DLG5: variants seen among roughly 807,000 people sequenced by gnomAD.
The protein encoded by DLG5 is disks large homolog 5.
A neutral mutation model predicts 189.8 loss-of-function variants in DLG5; 48 were observed. That is an observed-to-expected ratio of 0.25 (90% CI 0.20 to 0.32). DLG5 has a LOEUF of 0.32. Ranked by LOEUF, DLG5 falls within the 10% of genes least tolerant of loss-of-function variation. The probability of loss-of-function intolerance (pLI) is 1.00; values close to 1 mark genes in which losing one functional copy is unlikely to be tolerated. For synonymous variants in DLG5, 1,016 were observed against 1,054.1 expected (o/e 0.96, Z 0.70); for missense variants, 2,160 against 2,544.7 (o/e 0.85, Z 3.25).
Position 77,926,438 on chromosome 10 carries a change from C to A in DLG5, c.83G>T (p.Gly28Val), listed in dbSNP as rs1246954069. 2 of 1,561,426 alleles carry A rather than the reference C, an allele frequency of 1.3e-6. No homozygotes were observed. Among genetic ancestry groups the A allele is most frequent in the East Asian group, 2.4e-5 (1 of 41,648 alleles). Reference protein sequence around the residue: ...QAMTEVEAVLGLLEAAGALSP... With the variant: ...QAMTEVEAVLVLLEAAGALSP... ...GAGCGCTCCCGCGGCCTCGAGCAGC[C>A]CGAGCACGGCTTCCACCTCCGTCAT... The change falls in exon 1 of 32, where the codon GGG becomes GTG. Residue 28 changes from glycine (G) to valine (V), a missense_variant. Physicochemically the swap from Gly to Val is moderately radical, Grantham distance 109 (BLOSUM62 -3). Transcript: ENST00000372391. This position sits in a 1 kb window ranked among gnomAD's most constrained non-coding sequence, Gnocchi z 5.2.
In DLG5 at chr10:77,820,784, C is replaced by G. The variant is rs1465021897; in HGVS notation, c.3402+298G>C. On this transcript the variant is annotated intron_variant, in intron 15 of 31. Transcript: ENST00000372391. ...ACCTCATCTCCCTAGCCCTTCAAGG[C>G]AAGTCTATGCCCTAGGTTTTATTGT... 2.8e-5 allele frequency: 12 copies of G among 421,966 alleles called. No individual in the cohort carries two copies. The East Asian group carries it at 4.6e-4, about 16-fold the overall frequency. The allele number at this position is 421,966 out of a possible 1,614,324, so 26.1% of individuals were successfully genotyped here.
At position 77,817,858 on chromosome 10, in the gene DLG5, G is replaced by C; in HGVS notation, c.3703C>G (p.Leu1235Val). 6.4e-7 allele frequency: 1 copy of C among 1,553,110 alleles called. No individual in the cohort carries two copies. The highest frequency in any genetic ancestry group is 8.7e-7 in the Non-Finnish European group (1 of 1,147,692). ...TAGTCGCTGCAGGTCCTGTGGCTCAGGTCCAGGCTCAGGCGTCCCTGGTGC... is the reference window on the plus strand; with the variant it reads ...TAGTCGCTGCAGGTCCTGTGGCTCACGTCCAGGCTCAGGCGTCCCTGGTGC... ...VQHQGRLSLD[L>V]SHRTCSDYSE... The change falls in exon 18 of 32, where the codon CTG (leucine) becomes GTG (valine). Residue 1235 changes from leucine (L) to valine (V), a missense_variant. Around this residue, in one of 5 missense-constraint regions of DLG5, gnomAD observed 754 missense variants for 746.5 expected, o/e 1.01. Coordinates refer to ENST00000372391, the MANE Select transcript of DLG5 (RefSeq NM_004747.4).
chr10:77,845,822 C>G (rs1481850199), intron 5 of DLG5, among the ~76,000 whole-genome samples: 2 of 151,324 alleles, frequency 1.3e-5, no homozygotes, highest in African/African-American at 2.4e-5. Context: ...GTATCTCAGG[C>G]AGTCAAAATC....
intron 1 of DLG5, among the ~76,000 whole-genome samples, chr10:77,882,500 C>T (rs1460413773): frequency 6.6e-6 from 1 of 152,220 alleles, no homozygotes; most frequent in Non-Finnish European, 1.5e-5. Flanking sequence ...TTCCTTCATG[C>T]TTCTCTCTAC....
Position 77,926,152 on chromosome 10 carries a change from C to T in DLG5, c.304+65G>A. ...AGCGGCGGCCCCGGCGAGGTACCCT[C>T]GGCCAGCAGGAGGGAGAAGCGGAGG... On this transcript the variant is annotated intron_variant, in intron 1 of 31. Transcript: ENST00000372391. The surrounding 1 kb of genome is among the most constrained non-coding windows in gnomAD (Gnocchi z 5.2). 1 of 1,294,442 alleles carries T rather than the reference C, an allele frequency of 7.7e-7. No individual in the cohort carries two copies. Among genetic ancestry groups the T allele is most frequent in the African/African-American group, 1.5e-5 (1 of 64,956 alleles). 80.2% of individuals were successfully genotyped at this position (1,294,442 alleles called of 1,614,324 possible).
rs1233319772 is a variant in DLG5, at chr10:77,792,397, C to T, written c.*43G>A. The T allele has an allele frequency of 1.3e-6, 2 of 1,570,594 alleles. No individual in the cohort carries two copies. Among genetic ancestry groups the T allele is most frequent in the African/African-American group, 1.4e-5 (1 of 74,000 alleles). Reference sequence around the variant, plus strand: ...CTAGAAAAGAGCTGAGTCTGGTGTCCCCTCAGGCGGCCAGCTGCAGTCATC... The same window carrying T: ...CTAGAAAAGAGCTGAGTCTGGTGTCTCCTCAGGCGGCCAGCTGCAGTCATC... On this transcript the variant is annotated 3_prime_UTR_variant, in exon 32 of 32. Transcript: ENST00000372391.
At position 77,794,942 on chromosome 10, in the gene DLG5, AGGAG is replaced by A; in HGVS notation, c.5449_5452del (p.Leu1817TrpfsTer40). 6.2e-7 allele frequency: 1 copy of A among 1,613,930 alleles called. No individual in the cohort carries two copies. Among genetic ancestry groups the A allele is most frequent in the Non-Finnish European group, 8.5e-7 (1 of 1,180,014 alleles). On this transcript the variant is annotated frameshift_variant, in exon 30 of 32. Transcript: ENST00000372391. LOFTEE classifies it high-confidence loss of function. The stretch of plus-strand genomic sequence containing the variant: ...CTCAATAGCGTGCGGAGCAATGTCC[AGGAG>A]GCAGTGTCGGTTCTGGGGTGGGGGG...
chr10:77,892,806 T>C (rs930900336), intron 1 of DLG5, among the ~76,000 whole-genome samples: 1 of 152,214 alleles, frequency 6.6e-6, no homozygotes. Flanking sequence ...TATTTGTCCA[T>C]TTTAAAGGGT....
intron 22 of DLG5, among the ~76,000 whole-genome samples, chr10:77,811,701 A>C (rs1351002264): frequency 6.6e-6 from 1 of 152,122 alleles, no homozygotes; most frequent in Admixed American, 6.5e-5. Flanking sequence ...CCTGCTGGTC[A>C]GGGGGACCAC....
At chr10:77,833,200 C>T (rs892276081) in intron 9 of DLG5, among the ~76,000 whole-genome samples, 5 of 152,112 alleles carry the variant, frequency 3.3e-5, no homozygotes, top group African/African-American at 7.2e-5. Context: ...TTTCAATGCA[C>T]TACTAAAGGC....
rs185326659 is a variant in DLG5, at chr10:77,900,897, T to C, written c.304+25320A>G. On this transcript the variant is annotated intron_variant, in intron 1 of 31. Transcript: ENST00000372391. Reference sequence around the variant, plus strand: ...TTGCAGTGAGCCAAGATCGTGCTACTGTACTCCACCCTGGGTGACAGAGCG... The same window carrying C: ...TTGCAGTGAGCCAAGATCGTGCTACCGTACTCCACCCTGGGTGACAGAGCG... Among the ~76,000 whole-genome samples, 535 of 152,190 alleles carry C rather than the reference T, an allele frequency of 3.5e-3. 2 individuals are homozygous for C. Among genetic ancestry groups the C allele is most frequent in the South Asian group, 0.018 (89 of 4,820 alleles).
intron 2 of DLG5, chr10:77,868,886 G>A: frequency 1.9e-6 from 1 of 531,504 alleles, no homozygotes; most frequent in Non-Finnish European, 3.4e-6. Context: ...TAGAAGCCCT[G>A]TGCCCTGACA....
At chr10:77,795,962 C>G (rs966613658) in intron 29 of DLG5, 99 bp downstream of exon 29, 1 of 1,560,168 alleles carries the variant, frequency 6.4e-7, no homozygotes, top group Non-Finnish European at 8.8e-7. Context: ...CACTGAAGGT[C>G]TGAGCCGCTG....
intron 1 of DLG5, among the ~76,000 whole-genome samples, chr10:77,881,241 T>A (rs897123123): frequency 3.3e-5 from 5 of 152,136 alleles, no homozygotes; most frequent in Non-Finnish European, 7.4e-5. Flanking sequence ...GAAAAAGTGA[T>A]ACTCACTAGT....
chr10:77,799,334 T>C (rs1233269433), intron 27 of DLG5, among the ~76,000 whole-genome samples: 2 of 152,204 alleles, frequency 1.3e-5, no homozygotes, highest in African/African-American at 4.8e-5. Context: ...GTGACTACCT[T>C]TGGAGACGGA....
chr10:77,812,085 G>C (rs41274582), intron 21 of DLG5, 28 bp from the exon 22 acceptor site: 40 of 1,605,468 alleles, frequency 2.5e-5, no homozygotes, highest in South Asian at 5.5e-5. Context: ...TGGGCTCAGT[G>C]GGGGGGTCGG....
intron 1 of DLG5, among the ~76,000 whole-genome samples, chr10:77,883,676 T>C (rs562276742): frequency 8.0e-5 from 12 of 150,174 alleles, no homozygotes; most frequent in Non-Finnish European, 1.3e-4. Context: ...ACAGTGACTA[T>C]GAAGTAACAT....
chr10:77,917,777 A>G (rs1482088335), intron 1 of DLG5, among the ~76,000 whole-genome samples: 1 of 152,186 alleles, frequency 6.6e-6, no homozygotes, highest in Non-Finnish European at 1.5e-5. Flanking sequence ...CTGTAATCCC[A>G]GCACTTTGGG....
intron 2 of DLG5, chr10:77,867,226 A>G: frequency 2.5e-6 from 1 of 396,706 alleles, no homozygotes; most frequent in South Asian, 1.9e-5. Flanking sequence ...ATCAGCAGTA[A>G]TTGCTATGGG....
Sources: gnomAD v4.1 joint callset for allele counts (sites outside exome capture counted in the v4.1 genomes callset) on GRCh38, gnomAD v4.1.1 for gene constraint, gnomAD v4.1.1 regional missense constraint, Gnocchi (gnomAD v3.1) non-coding constraint, MANE v1.5 for transcripts, NCBI Gene and HGNC (gene_info 2026-07-23, HGNC 2026-07-21) for gene names.